Variants in AGAP1 observed in about 807,000 individuals in gnomAD.
The protein encoded by AGAP1 is ArfGAP with GTPase domain, ankyrin repeat and PH domain 1, also known as arf-GAP with GTPase, ANK repeat and PH domain-containing protein 1.
In AGAP1, 29 loss-of-function variants were observed where a neutral mutation model predicts 105.3. The observed-to-expected ratio is 0.28, with a 90% CI of 0.21 to 0.38. The LOEUF is 0.38. Among genes scored for constraint, AGAP1 ranks in the 10% least tolerant of loss-of-function variants. AGAP1 has a pLI of 1.00. For missense variants in AGAP1, 998 were observed against 1,165.1 expected (o/e 0.86, Z 2.09); for synonymous variants, 509 against 485.9 (o/e 1.05, Z -0.63).
chr2:235,552,602 C>G lies in AGAP1; in HGVS notation c.163+57753C>G, dbSNP rs938634849. ...GGATGCTGCTCCCATTGGCCAGGCA[C>G]TGGGGATGCGGCGTATGGGCAGGTG... On this transcript the variant is annotated intron_variant, in intron 1 of 17. Transcript: ENST00000304032. This position sits in a 1 kb window ranked among gnomAD's most constrained non-coding sequence, Gnocchi z 5.9. Among the ~76,000 whole-genome samples the G allele has an allele frequency of 6.6e-6, 1 of 152,176 alleles. No individual in the cohort carries two copies. Among genetic ancestry groups the G allele is most frequent in the Admixed American group, 6.5e-5 (1 of 15,270 alleles).
chr2:236,065,617 A>G (rs2058326101), intron 16 of AGAP1, among the ~76,000 whole-genome samples: 1 of 152,228 alleles, frequency 6.6e-6, no homozygotes, highest in African/African-American at 2.4e-5. Flanking sequence ...GAACGCTTTT[A>G]AATGTGCATA....
chr2:235,735,733 C>A (rs931067636), intron 3 of AGAP1, among the ~76,000 whole-genome samples: 1 of 151,988 alleles, frequency 6.6e-6, no homozygotes. Flanking sequence ...GAAATTAAGA[C>A]CTCGACTCGC....
rs1950478155 is a variant in AGAP1, at chr2:235,705,153, A to G, written c.164-4026A>G. On this transcript the variant is annotated intron_variant, in intron 1 of 17. Transcript: ENST00000304032. This position sits in a 1 kb window ranked among gnomAD's most constrained non-coding sequence, Gnocchi z 4.9. ...GCCACCACGCCTGGCTAATTTTTGT[A>G]TTTTTAGTAGAGACGAGGTTTCGCC... Among the ~76,000 whole-genome samples, 1 of 150,948 alleles carries G rather than the reference A, an allele frequency of 6.6e-6. No individual in the cohort carries two copies. Among genetic ancestry groups the G allele is most frequent in the Non-Finnish European group, 1.5e-5 (1 of 67,712 alleles).
rs1021659216 is a variant in AGAP1 at position 235,659,518 on chromosome 2, T to C, written c.164-49661T>C. On this transcript the variant is annotated intron_variant, in intron 1 of 17. Coordinates refer to ENST00000304032, the MANE Select transcript of AGAP1 (RefSeq NM_001037131.3). This position sits in a 1 kb window ranked among gnomAD's most constrained non-coding sequence, Gnocchi z 5.0. Reference sequence around the variant, plus strand: ...GCAGTCAGGGTGCTATATGAACACATGTTTTGTGGGTCACTTGCCAGGCGT... The same window carrying C: ...GCAGTCAGGGTGCTATATGAACACACGTTTTGTGGGTCACTTGCCAGGCGT... Among the ~76,000 whole-genome samples, 1 of 152,124 alleles carries C rather than the reference T, an allele frequency of 6.6e-6. No homozygotes were observed. Among genetic ancestry groups the C allele is most frequent in the African/African-American group, 2.4e-5 (1 of 41,426 alleles).
rs887980802 is a variant in AGAP1, at chr2:235,970,285, G to A, written c.1645+1662G>A. On this transcript the variant is annotated intron_variant, in intron 13 of 17. Coordinates refer to ENST00000304032, the MANE Select transcript of AGAP1 (RefSeq NM_001037131.3). This position sits in a 1 kb window ranked among gnomAD's most constrained non-coding sequence, Gnocchi z 5.4. ...ATAATCCCATTAAGTCAGCGATGGTGGAAAATAATGGTTATGGGTCAGAGC... is the reference window on the plus strand; with the variant it reads ...ATAATCCCATTAAGTCAGCGATGGTAGAAAATAATGGTTATGGGTCAGAGC... Among the ~76,000 whole-genome samples the A allele has an allele frequency of 1.3e-5, 2 of 151,998 alleles. No individual in the cohort carries two copies. Among genetic ancestry groups the A allele is most frequent in the African/African-American group, 2.4e-5 (1 of 41,370 alleles).
chr2:235,653,214 C>G (rs1022456272), intron 1 of AGAP1, among the ~76,000 whole-genome samples: 3 of 152,060 alleles, frequency 2.0e-5, no homozygotes, highest in African/African-American at 7.2e-5. Context: ...GCCTGTAATC[C>G]CAGCACTTTG....
At chr2:235,590,956 C>T (rs1284729871) in intron 1 of AGAP1, among the ~76,000 whole-genome samples, 1 of 151,414 alleles carries the variant, frequency 6.6e-6, no homozygotes, top group African/African-American at 2.4e-5. Flanking sequence ...CTCCTGACCT[C>T]GTGATCCGCC....
intron 9 of AGAP1, among the ~76,000 whole-genome samples, chr2:235,851,894 T>C (rs1308036729): frequency 1.3e-5 from 2 of 152,118 alleles, no homozygotes; most frequent in African/African-American, 4.8e-5. Context: ...TAAGGAAACC[T>C]GAAGTATTTC....
At chr2:235,832,428 A>T (rs955820228) in intron 9 of AGAP1, among the ~76,000 whole-genome samples, 6 of 152,230 alleles carry the variant, frequency 3.9e-5, no homozygotes, top group Admixed American at 3.9e-4. Context: ...AACAATTTCT[A>T]CACTGTGAAA....
chr2:235,978,920 A>AT (rs779987790), intron 13 of AGAP1, among the ~76,000 whole-genome samples: 1 of 152,122 alleles, frequency 6.6e-6, no homozygotes, highest in Non-Finnish European at 1.5e-5. Context: ...TAAAAAAAAA[A>AT]GATGCAAATC....
chr2:236,103,097 G>C (rs1249675353), intron 16 of AGAP1, among the ~76,000 whole-genome samples: 1 of 148,334 alleles, frequency 6.7e-6, no homozygotes, highest in East Asian at 2.0e-4. Context: ...ACTCCCAGAA[G>C]ACTCAGCCCC....
chr2:235,501,250 G>T (rs752463923), intron 1 of AGAP1, among the ~76,000 whole-genome samples: 3 of 152,224 alleles, frequency 2.0e-5, no homozygotes, highest in Non-Finnish European at 4.4e-5. Flanking sequence ...TGGTTAGGAG[G>T]TAGAGGCAGC....
At chr2:235,643,175 G>GT (rs779426861) in intron 1 of AGAP1, among the ~76,000 whole-genome samples, 29 of 152,124 alleles carry the variant, frequency 1.9e-4, no homozygotes, top group South Asian at 4.2e-4. Flanking sequence ...GCTCGCACGT[G>GT]TAATACCAGC....
intron 9 of AGAP1, among the ~76,000 whole-genome samples, chr2:235,854,402 G>C (rs1046055955): frequency 6.6e-6 from 1 of 152,210 alleles, no homozygotes; most frequent in Non-Finnish European, 1.5e-5. Flanking sequence ...GGACCTGTGA[G>C]GCCTGTCTCT....
rs1453545276 is a variant in AGAP1 at position 235,689,440 on chromosome 2, A to G, written c.164-19739A>G. Among the ~76,000 whole-genome samples, 2 of 152,266 alleles carry G rather than the reference A, an allele frequency of 1.3e-5. No individual in the cohort carries two copies. The highest frequency in any genetic ancestry group is 4.8e-5 in the African/African-American group (2 of 41,478). On this transcript the variant is annotated intron_variant, in intron 1 of 17. Transcript: ENST00000304032. The surrounding 1 kb of genome is among the most constrained non-coding windows in gnomAD (Gnocchi z 4.2). The stretch of plus-strand genomic sequence containing the variant: ...GATTATGTTTCCATTACACCATAGA[A>G]CATAACAATTTTGACTGCAGAGAGG...
At position 235,527,386 on chromosome 2, in the gene AGAP1, A is replaced by T. The variant is rs941818885; in HGVS notation, c.163+32537A>T. On this transcript the variant is annotated intron_variant, in intron 1 of 17. Coordinates refer to ENST00000304032, the MANE Select transcript of AGAP1 (RefSeq NM_001037131.3). ...CAGACTTTACTTACTTACCTTATTGATTGAGACAGGGTCTCACTCTGTTGC... is the reference window on the plus strand; with the variant it reads ...CAGACTTTACTTACTTACCTTATTGTTTGAGACAGGGTCTCACTCTGTTGC... Among the ~76,000 whole-genome samples, 20 of 152,252 alleles carry T rather than the reference A, an allele frequency of 1.3e-4. No homozygotes were observed. The East Asian group carries it at 3.7e-3, about 28-fold the overall frequency.
At chr2:236,063,207 C>T (rs1456032503) in intron 16 of AGAP1, among the ~76,000 whole-genome samples, 1 of 152,148 alleles carries the variant, frequency 6.6e-6, no homozygotes, top group African/African-American at 2.4e-5. Context: ...GATTCTCCTG[C>T]CTCAGCCTCC....
At chr2:235,542,320 G>T (rs895078808) in intron 1 of AGAP1, among the ~76,000 whole-genome samples, 4 of 152,294 alleles carry the variant, frequency 2.6e-5, no homozygotes, top group South Asian at 4.1e-4. Flanking sequence ...CTTGGCCTTG[G>T]CCTTCAGGGA....
intron 15 of AGAP1, among the ~76,000 whole-genome samples, chr2:236,041,266 A>AT (rs71039704): frequency 0.35 from 51,444 of 147,852 alleles, 8,967 homozygotes; most frequent in South Asian, 0.49. Flanking sequence ...TCACTTGTTG[A>AT]TTTTTTTTTT....
Sources: gnomAD v4.1 joint callset for allele counts (sites outside exome capture counted in the v4.1 genomes callset) on GRCh38, gnomAD v4.1.1 for gene constraint, Gnocchi (gnomAD v3.1) non-coding constraint, MANE v1.5 for transcripts, NCBI Gene and HGNC (gene_info 2026-07-23, HGNC 2026-07-21) for gene names.